The following TRHDE variants were observed in gnomAD, a reference collection of about 807,000 sequenced individuals.
The protein encoded by TRHDE is thyrotropin releasing hormone degrading enzyme.
Under a neutral mutation model 125.7 loss-of-function variants are expected in TRHDE, and 72 were observed. That is an observed-to-expected ratio of 0.57 (90% CI 0.47 to 0.70). TRHDE has a LOEUF of 0.70. Ranked by LOEUF, TRHDE falls within the 30% of genes least tolerant of loss-of-function variation. The pLI, the probability that TRHDE is intolerant of heterozygous loss-of-function variation, is 0.00. For missense variants in TRHDE, 1,110 were observed against 1,327.1 expected (o/e 0.84, Z 2.54); for synonymous variants, 509 against 509.1 (o/e 1.00, Z 0.00).
intron 2 of TRHDE, among the ~76,000 whole-genome samples, chr12:72,249,370 A>G (rs182527459): frequency 6.6e-6 from 1 of 152,254 alleles, no homozygotes; most frequent in Non-Finnish European, 1.5e-5. Context: ...AATAAGCAGA[A>G]GATTTTAGCA....
chr12:72,645,577 C>T (rs560805597), intron 15 of TRHDE, among the ~76,000 whole-genome samples: 2 of 152,156 alleles, frequency 1.3e-5, no homozygotes, highest in African/African-American at 4.8e-5. Flanking sequence ...TGGCTGAAAA[C>T]TTCACAAATC....
chr12:72,570,578 CAAAAAAAAAAAA>C lies in TRHDE; in HGVS notation c.2131+1938_2131+1949del, dbSNP rs572094533. Reference sequence around the variant, plus strand: ...CCTGAGTGAGAGAGAGAGACTGTCTCAAAAAAAAAAAAAAAAAAAAAAAAAAAGAGTAGTATA... The same window carrying C: ...CCTGAGTGAGAGAGAGAGACTGTCTCAAAAAAAAAAAAAAAGAGTAGTATA... On this transcript the variant is annotated intron_variant, in intron 10 of 18. Coordinates refer to ENST00000261180, the MANE Select transcript of TRHDE (RefSeq NM_013381.3). Among the ~76,000 whole-genome samples, 6 of 58,454 alleles carry C rather than the reference CAAAAAAAAAAAA, an allele frequency of 1.0e-4. 1 individual carries two copies. Among genetic ancestry groups the C allele is most frequent in the Non-Finnish European group, 1.4e-4 (3 of 20,822 alleles). The allele number at this position is 58,454 out of a possible 152,430, so 38.3% of individuals were successfully genotyped here.
At chr12:72,481,632 GCTCTT>G (rs925779707) in intron 5 of TRHDE, among the ~76,000 whole-genome samples, 1 of 150,710 alleles carries the variant, frequency 6.6e-6, no homozygotes, top group Non-Finnish European at 1.5e-5. Flanking sequence ...CATTCAGGCA[GCTCTT>G]CTCAACCATT....
chr12:72,287,412 T>C (rs1879930027), intron 2 of TRHDE, among the ~76,000 whole-genome samples: 1 of 152,194 alleles, frequency 6.6e-6, no homozygotes, highest in Non-Finnish European at 1.5e-5. Flanking sequence ...TTCAGTCTAA[T>C]GTTATTGCTG....
chr12:72,667,183 T>G lies in TRHDE; in HGVS notation c.*3988T>G, dbSNP rs533842813. Reference sequence around the variant, plus strand: ...TTAAAATCTACTGGCAATTAGAATTTTAAGGAATTCTTTTCTAAGAAGTTG... The same window carrying G: ...TTAAAATCTACTGGCAATTAGAATTGTAAGGAATTCTTTTCTAAGAAGTTG... On this transcript the variant is annotated 3_prime_UTR_variant, in exon 19 of 19. Coordinates refer to ENST00000261180, the MANE Select transcript of TRHDE (RefSeq NM_013381.3). 1 of 152,036 alleles carries G rather than the reference T, an allele frequency of 6.6e-6. No homozygotes were observed. Among genetic ancestry groups the G allele is most frequent in the Middle Eastern group, 3.4e-3 (1 of 294 alleles). The allele number at this position is 152,036 out of a possible 1,614,324, so 9.4% of individuals were successfully genotyped here.
chr12:72,459,041 G>A (rs2135882489), intron 3 of TRHDE, among the ~76,000 whole-genome samples: 1 of 152,192 alleles, frequency 6.6e-6, no homozygotes, highest in Non-Finnish European at 1.5e-5. Flanking sequence ...ACTCTCACTG[G>A]AGGCTTTAGG....
intron 5 of TRHDE, among the ~76,000 whole-genome samples, chr12:72,495,109 T>C (rs1004971744): frequency 1.3e-4 from 16 of 126,640 alleles, no homozygotes; most frequent in African/African-American, 4.7e-4. Context: ...GTCTAAAAGC[T>C]ATGTAGTTAT....
At position 72,403,035 on chromosome 12, in the gene TRHDE, C is replaced by T. The variant is rs80025576; in HGVS notation, c.1315+24914C>T. ...GATCACATACACAGTTTAGTTAAGCCTGGAAAAATCTGGTACCTATGATGG... is the reference window on the plus strand; with the variant it reads ...GATCACATACACAGTTTAGTTAAGCTTGGAAAAATCTGGTACCTATGATGG... On this transcript the variant is annotated intron_variant, in intron 3 of 18. Transcript: ENST00000261180. Among the ~76,000 whole-genome samples the T allele has an allele frequency of 2.6e-4, 40 of 152,214 alleles. No individual in the cohort carries two copies. The East Asian group carries it at 6.8e-3, about 26-fold the overall frequency.
At chr12:72,240,227 T>G (rs1057503788) in intron 2 of TRHDE, among the ~76,000 whole-genome samples, 1 of 151,180 alleles carries the variant, frequency 6.6e-6, no homozygotes, top group Non-Finnish European at 1.5e-5. Context: ...ATTTGGGAAA[T>G]ACATATGCAC....
chr12:72,662,481 G>A (rs557414405), intron 18 of TRHDE, among the ~76,000 whole-genome samples: 5 of 152,030 alleles, frequency 3.3e-5, no homozygotes, highest in Non-Finnish European at 7.4e-5. Flanking sequence ...GCAGGTGATT[G>A]CCATGTCATT....
intron 2 of TRHDE, among the ~76,000 whole-genome samples, chr12:72,370,428 T>A (rs902379935): frequency 2.0e-5 from 3 of 152,174 alleles, no homozygotes; most frequent in Admixed American, 2.0e-4. Flanking sequence ...ATTCTGATCA[T>A]GTCATTCTAT....
At chr12:72,096,736 C>T (rs553291047) in intron 1 of TRHDE, among the ~76,000 whole-genome samples, 3 of 152,294 alleles carry the variant, frequency 2.0e-5, no homozygotes, top group African/African-American at 7.2e-5. Context: ...GCCAAAATAG[C>T]ATTTTATTTG....
intron 3 of TRHDE, among the ~76,000 whole-genome samples, chr12:72,448,239 A>T (rs1209696175): frequency 6.6e-6 from 1 of 152,090 alleles, no homozygotes; most frequent in Non-Finnish European, 1.5e-5. Flanking sequence ...ATTTGTTGCC[A>T]TCATAGATTT....
At chr12:72,386,102 T>C (rs1872402723) in intron 3 of TRHDE, among the ~76,000 whole-genome samples, 1 of 152,192 alleles carries the variant, frequency 6.6e-6, no homozygotes, top group Admixed American at 6.5e-5. Flanking sequence ...TATTGTTACA[T>C]TTTTAATTTG....
chr12:72,406,493 T>C (rs1314601753), intron 3 of TRHDE, among the ~76,000 whole-genome samples: 4 of 152,180 alleles, frequency 2.6e-5, no homozygotes, highest in Admixed American at 2.0e-4. Context: ...GTTGTTTTAA[T>C]AGGAGGTGAG....
At chr12:72,582,716 C>G (rs1357741253) in intron 12 of TRHDE, 7 of 692,120 alleles carry the variant, frequency 1.0e-5, no homozygotes, top group Non-Finnish European at 1.2e-5. Context: ...GTGAGAAATA[C>G]TTTGGCAGAC....
At chr12:72,304,325 GAGGAA>G (rs1406229082) in intron 2 of TRHDE, among the ~76,000 whole-genome samples, 1 of 152,146 alleles carries the variant, frequency 6.6e-6, no homozygotes, top group Non-Finnish European at 1.5e-5. Flanking sequence ...AATTGTAAAT[GAGGAA>G]AGGAAATACC....
At chr12:72,645,732 G>A (rs780140599) in intron 15 of TRHDE, among the ~76,000 whole-genome samples, 4 of 152,020 alleles carry the variant, frequency 2.6e-5, no homozygotes, top group Non-Finnish European at 5.9e-5. Flanking sequence ...AAGTGACTTG[G>A]CACCTGCTAA....
chr12:72,320,475 C>G (rs1869029622), intron 2 of TRHDE, among the ~76,000 whole-genome samples: 1 of 150,820 alleles, frequency 6.6e-6, no homozygotes, highest in Non-Finnish European at 1.5e-5. Flanking sequence ...CCATTTTTTT[C>G]CCTAAATATT....
Sources: gnomAD v4.1 joint callset for allele counts (sites outside exome capture counted in the v4.1 genomes callset) on GRCh38, gnomAD v4.1.1 for gene constraint, MANE v1.5 for transcripts, NCBI Gene and HGNC (gene_info 2026-07-23, HGNC 2026-07-21) for gene names.